The following TMEM65 variants were observed in gnomAD, a reference collection of about 807,000 sequenced individuals.
The protein encoded by TMEM65 is transmembrane protein 65.
A neutral mutation model predicts 25.4 loss-of-function variants in TMEM65; 22 were observed. The ratio of observed to expected loss-of-function variants is 0.86; its 90% CI spans 0.62 to 1.23. TMEM65 has a LOEUF of 1.23. Among genes scored for constraint, TMEM65 ranks in the 50% most tolerant of loss-of-function variants. The pLI is 0.00. For synonymous variants in TMEM65, 132 were observed against 126.2 expected (o/e 1.05, Z -0.31); for missense variants, 262 against 308.2 (o/e 0.85, Z 1.12).
intron 1 of TMEM65, among the ~76,000 whole-genome samples, chr8:124,346,412 A>G (rs780771343): frequency 1.3e-5 from 2 of 152,172 alleles, no homozygotes; most frequent in Admixed American, 6.5e-5. Flanking sequence ...AAAAAGAAAG[A>G]GTCTTATTTC....
intron 2 of TMEM65, among the ~76,000 whole-genome samples, chr8:124,327,882 T>C (rs2131201775): frequency 6.6e-6 from 1 of 152,274 alleles, no homozygotes; most frequent in East Asian, 1.9e-4. Flanking sequence ...GAAAAGTTAT[T>C]TGGGTGCTTT....
At chr8:124,355,802 C>T (rs1814771920) in intron 1 of TMEM65, among the ~76,000 whole-genome samples, 1 of 152,172 alleles carries the variant, frequency 6.6e-6, no homozygotes, top group Admixed American at 6.5e-5. Flanking sequence ...TTAGTACTTG[C>T]TTACTTAGGA....
At chr8:124,367,141 A>T (rs1289960166) in intron 1 of TMEM65, among the ~76,000 whole-genome samples, 2 of 152,186 alleles carry the variant, frequency 1.3e-5, no homozygotes, top group African/African-American at 2.4e-5. Flanking sequence ...GACAAAAGCA[A>T]ACTATTCCCA....
chr8:124,370,981 C>G (rs1038028508), intron 1 of TMEM65, among the ~76,000 whole-genome samples: 1 of 152,168 alleles, frequency 6.6e-6, no homozygotes. Context: ...GTCGTTTGCT[C>G]CTTTCATCCT....
chr8:124,331,954 C>T (rs1316599767), intron 1 of TMEM65, among the ~76,000 whole-genome samples: 1 of 152,032 alleles, frequency 6.6e-6, no homozygotes, highest in African/African-American at 2.4e-5. Flanking sequence ...TCCATAATGG[C>T]TTTACAGTAA....
chr8:124,318,800 G>GA (rs1236452989), intron 6 of TMEM65, among the ~76,000 whole-genome samples: 3 of 152,078 alleles, frequency 2.0e-5, no homozygotes, highest in Non-Finnish European at 4.4e-5. Flanking sequence ...ACTCTCCTAT[G>GA]AAATCTCATC....
chr8:124,315,978 C>G (rs941738596), intron 6 of TMEM65, among the ~76,000 whole-genome samples: 1 of 152,052 alleles, frequency 6.6e-6, no homozygotes. Context: ...AGAAAATAAC[C>G]ATTGCCAATA....
intron 1 of TMEM65, among the ~76,000 whole-genome samples, chr8:124,349,579 A>G (rs1273307231): frequency 6.6e-6 from 1 of 152,208 alleles, no homozygotes; most frequent in Admixed American, 6.5e-5. Context: ...AAAACCCAAA[A>G]GACCTAACAC....
At chr8:124,329,669 A>G (rs144259453) in intron 2 of TMEM65, among the ~76,000 whole-genome samples, 35 of 152,134 alleles carry the variant, frequency 2.3e-4, no homozygotes, top group African/African-American at 8.4e-4. Flanking sequence ...GAAAAAATAT[A>G]GTTTTTCAAA....
chr8:124,315,329 G>C (rs1468880421), intron 6 of TMEM65, among the ~76,000 whole-genome samples: 1 of 142,102 alleles, frequency 7.0e-6, no homozygotes, highest in Non-Finnish European at 1.6e-5. Flanking sequence ...TTTTTTGTTT[G>C]TTTTTTTTTT....
chr8:124,356,222 C>T (rs1477727778), intron 1 of TMEM65, among the ~76,000 whole-genome samples: 1 of 152,106 alleles, frequency 6.6e-6, no homozygotes, highest in Non-Finnish European at 1.5e-5. Context: ...CATCTCTCCC[C>T]TCCCTTCTTA....
At chr8:124,362,638 G>A (rs983956742) in intron 1 of TMEM65, among the ~76,000 whole-genome samples, 1 of 114,342 alleles carries the variant, frequency 8.7e-6, no homozygotes, top group African/African-American at 3.6e-5. Context: ...CTCCAGCCTT[G>A]GTGATAGAGC....
chr8:124,306,423 T>G lies in TMEM65; in HGVS notation c.*7537A>C, dbSNP rs1275609532. ...AGAATGACACTGGAAGTCATAAAGT[T>G]GATTCTCAAACACGGGTTTGAACTG... is the stretch of plus-strand genomic sequence containing the variant. On this transcript the variant is annotated 3_prime_UTR_variant, in exon 7 of 7. Transcript: ENST00000297632. 1 of 152,162 alleles carries G rather than the reference T, an allele frequency of 6.6e-6. No individual in the cohort carries two copies. The highest frequency in any genetic ancestry group is 1.5e-5 in the Non-Finnish European group (1 of 68,032). 9.4% of individuals were successfully genotyped at this position (152,162 alleles called of 1,614,324 possible).
intron 1 of TMEM65, among the ~76,000 whole-genome samples, chr8:124,333,714 T>C (rs1026714996): frequency 1.3e-5 from 2 of 152,136 alleles, no homozygotes; most frequent in Admixed American, 6.6e-5. Flanking sequence ...TGGAAAATTA[T>C]TGAAACCAGG....
chr8:124,363,836 C>CAAAAAAAAAAAAA (rs869161640), intron 1 of TMEM65, among the ~76,000 whole-genome samples: 2 of 55,714 alleles, frequency 3.6e-5, no homozygotes, highest in African/African-American at 7.9e-5. Context: ...GACTCCGTCT[C>CAAAAAAAAAAAAA]AAAAAAAAAA....
intron 1 of TMEM65, among the ~76,000 whole-genome samples, chr8:124,353,929 G>A (rs955636660): frequency 6.6e-6 from 1 of 152,174 alleles, no homozygotes. Flanking sequence ...TAACTTTAGA[G>A]TGCATAAGTC....
chr8:124,313,671 C>T lies in TMEM65; in HGVS notation c.*289G>A. ...AAGCAAACCCCAAGTCAATACAGTACATCAATGACACTTAAATAACATTAT... is the reference window on the plus strand; with the variant it reads ...AAGCAAACCCCAAGTCAATACAGTATATCAATGACACTTAAATAACATTAT... On this transcript the variant is annotated 3_prime_UTR_variant, in exon 7 of 7. Coordinates refer to ENST00000297632, the MANE Select transcript of TMEM65 (RefSeq NM_194291.3). The T allele has an allele frequency of 7.2e-6, 2 of 279,428 alleles. No homozygotes were observed. The highest frequency in any genetic ancestry group is 1.3e-5 in the Non-Finnish European group (2 of 149,450). The allele number at this position is 279,428 out of a possible 1,614,324, so 17.3% of individuals were successfully genotyped here. A position where few individuals can be genotyped will look rare whatever the true frequency, so the allele number is the denominator to read the frequency against.
chr8:124,332,103 T>A (rs940634910), intron 1 of TMEM65, among the ~76,000 whole-genome samples: 3 of 152,136 alleles, frequency 2.0e-5, no homozygotes, highest in Admixed American at 6.6e-5. Context: ...GAATTTCACA[T>A]CTGATTAAAA....
intron 2 of TMEM65, among the ~76,000 whole-genome samples, chr8:124,328,278 C>T (rs902726609): frequency 1.3e-5 from 2 of 151,898 alleles, no homozygotes; most frequent in African/African-American, 4.8e-5. Flanking sequence ...GTGGTGCGTG[C>T]CTGTAGTCCC....
Sources: gnomAD v4.1 joint callset for allele counts (sites outside exome capture counted in the v4.1 genomes callset) on GRCh38, gnomAD v4.1.1 for gene constraint, MANE v1.5 for transcripts, NCBI Gene and HGNC (gene_info 2026-07-23, HGNC 2026-07-21) for gene names.